Variants in ENOX2 observed in about 807,000 individuals in gnomAD.
ENOX2 encodes APK1 antigen.
In ENOX2, 36 loss-of-function variants were observed where a neutral mutation model predicts 45.0. The observed-to-expected ratio is 0.80, with a 90% CI of 0.61 to 1.06. The LOEUF is 1.06. ENOX2 is among the 50% of genes least tolerant of loss of function. The pLI is 0.00. For synonymous variants in ENOX2, 174 were observed against 152.3 expected (o/e 1.14, Z -1.05); for missense variants, 423 against 462.5 (o/e 0.91, Z 0.78).
intron 9 of ENOX2, among the ~76,000 whole-genome samples, chrX:130,664,941 T>C (rs1042980159): frequency 2.7e-5 from 3 of 112,426 alleles, no homozygotes; most frequent in Admixed American, 9.4e-5. Context: ...ATTGAAAATA[T>C]TGGGACTTGG....
At chrX:130,639,279 C>T (rs1431178745) in intron 10 of ENOX2, among the ~76,000 whole-genome samples, 2 of 111,931 alleles carry the variant, frequency 1.8e-5, no homozygotes, top group Admixed American at 1.9e-4. Context: ...AAATGTCCAA[C>T]TCCAGCCCCC....
chrX:130,901,243 T>C (rs192428340), intron 2 of ENOX2, among the ~76,000 whole-genome samples: 118 of 112,536 alleles, frequency 1.0e-3, no homozygotes, highest in African/African-American at 3.6e-3. Flanking sequence ...AGAAAGAACA[T>C]TGGGAGCAGC....
chrX:130,631,235 A>G (rs780917943), intron 13 of ENOX2, among the ~76,000 whole-genome samples: 2 of 111,626 alleles, frequency 1.8e-5, no homozygotes, highest in East Asian at 5.7e-4. Flanking sequence ...TTGTACTGAC[A>G]TGCTTGACTG....
chrX:130,691,265 G>C (rs994233465), intron 4 of ENOX2, among the ~76,000 whole-genome samples: 2 of 111,991 alleles, frequency 1.8e-5, no homozygotes, highest in African/African-American at 6.5e-5. Flanking sequence ...CGAAAGCACA[G>C]AACAGATATG....
intron 2 of ENOX2, among the ~76,000 whole-genome samples, chrX:130,884,729 A>T (rs1166121618): frequency 9.1e-6 from 1 of 110,057 alleles, no homozygotes; most frequent in African/African-American, 3.3e-5. Flanking sequence ...TCTATGAGAG[A>T]GAGAGAGAGA....
intron 3 of ENOX2, among the ~76,000 whole-genome samples, chrX:130,738,364 C>G (rs1044268796): frequency 3.6e-5 from 4 of 112,122 alleles, no homozygotes; most frequent in Non-Finnish European, 1.9e-5. Context: ...ATCACTATAG[C>G]TACTTAAAAA....
chrX:130,816,815 A>T (rs975806829), intron 2 of ENOX2, among the ~76,000 whole-genome samples: 1 of 112,069 alleles, frequency 8.9e-6, no homozygotes, highest in Non-Finnish European at 1.9e-5. Flanking sequence ...AAAGTGGGAA[A>T]GATGTAGAAT....
rs778129936 is a variant in ENOX2, at chrX:130,898,481, TGTGTGC to T, written c.-183+3197_-183+3202del. Among the ~76,000 whole-genome samples the T allele has an allele frequency of 1.6e-3, 179 of 111,129 alleles. 1 individual carries two copies. Among genetic ancestry groups the T allele is most frequent in the Non-Finnish European group, 2.9e-3 (155 of 52,967 alleles). ...TCCTATGTATGCCTACACAGATGTGTGTGTGCGTGTGCGTGTGTGTGTGCGTGTGTG... is the reference window on the plus strand; with the variant it reads ...TCCTATGTATGCCTACACAGATGTGTGTGTGCGTGTGTGTGTGCGTGTGTG... On this transcript the variant is annotated intron_variant, in intron 2 of 14. Coordinates refer to ENST00000394363, the MANE Select transcript of ENOX2 (RefSeq NM_006375.4).
intron 5 of ENOX2, among the ~76,000 whole-genome samples, chrX:130,681,813 G>C (rs2148159282): frequency 9.0e-6 from 1 of 111,682 alleles, no homozygotes; most frequent in South Asian, 3.8e-4. Flanking sequence ...TAGAACCCAG[G>C]TTTCTTAATT....
At chrX:130,821,250 A>C (rs2077591239) in intron 2 of ENOX2, among the ~76,000 whole-genome samples, 1 of 106,923 alleles carries the variant, frequency 9.4e-6, no homozygotes, top group Admixed American at 1.0e-4. Context: ...ACGTATGTTT[A>C]CTGCGGCATT....
At chrX:130,852,286 T>C (rs780205043) in intron 2 of ENOX2, among the ~76,000 whole-genome samples, 3 of 111,893 alleles carry the variant, frequency 2.7e-5, no homozygotes, top group African/African-American at 9.7e-5. Context: ...TATTTATTCA[T>C]TCAATTGGCC....
At chrX:130,759,891 G>A (rs927087266) in intron 3 of ENOX2, among the ~76,000 whole-genome samples, 12 of 111,011 alleles carry the variant, frequency 1.1e-4, no homozygotes, top group Non-Finnish European at 2.3e-4. Flanking sequence ...AAAGATTGAT[G>A]TCATGAGTAC....
At chrX:130,882,090 G>A (rs1382397956) in intron 2 of ENOX2, among the ~76,000 whole-genome samples, 1 of 111,493 alleles carries the variant, frequency 9.0e-6, no homozygotes, top group African/African-American at 3.3e-5. Context: ...TATAATTTGA[G>A]TGGAACCTTA....
intron 6 of ENOX2, among the ~76,000 whole-genome samples, chrX:130,674,330 A>G (rs1294302693): frequency 9.1e-6 from 1 of 109,839 alleles, no homozygotes; most frequent in Non-Finnish European, 1.9e-5. Context: ...AGCAATAGAA[A>G]CTATCTGTAA....
rs142402931 is a variant in ENOX2 at position 130,668,025 on chromosome X, T to C, written c.695-283A>G. ...AAGTTTTCTGTACTGATATATAGGTTTCATGTATTGCAAATTTCTTACCCT... is the reference window on the plus strand; with the variant it reads ...AAGTTTTCTGTACTGATATATAGGTCTCATGTATTGCAAATTTCTTACCCT... On this transcript the variant is annotated intron_variant, in intron 7 of 14. Transcript: ENST00000394363. Among the ~76,000 whole-genome samples, 480 of 109,784 alleles carry C rather than the reference T, an allele frequency of 4.4e-3. 7 individuals are homozygous for C. Among genetic ancestry groups the C allele is most frequent in the African/African-American group, 0.015 (447 of 30,103 alleles).
intron 2 of ENOX2, among the ~76,000 whole-genome samples, chrX:130,817,940 T>C (rs2077518705): frequency 9.0e-6 from 1 of 111,514 alleles, no homozygotes; most frequent in Non-Finnish European, 1.9e-5. Flanking sequence ...GAGAAAGAAA[T>C]AAAGGGTATT....
intron 10 of ENOX2, among the ~76,000 whole-genome samples, chrX:130,656,289 T>A (rs2036545260): frequency 8.9e-6 from 1 of 112,491 alleles, no homozygotes; most frequent in Non-Finnish European, 1.9e-5. Flanking sequence ...CAGAGTGAGG[T>A]TCTGACTATA....
chrX:130,895,921 G>A (rs1016414926), intron 2 of ENOX2, among the ~76,000 whole-genome samples: 2 of 112,343 alleles, frequency 1.8e-5, no homozygotes, highest in Non-Finnish European at 1.9e-5. Flanking sequence ...TTAGACATAT[G>A]ATCAGTAGCC....
chrX:130,751,158 C>T (rs975773165), intron 3 of ENOX2, among the ~76,000 whole-genome samples: 2 of 111,553 alleles, frequency 1.8e-5, no homozygotes, highest in Non-Finnish European at 3.8e-5. Flanking sequence ...ATATTCTCAT[C>T]ACTCCAAAAG....
Sources: allele counts gnomAD v4.1 joint callset (sites outside exome capture counted in the v4.1 genomes callset), GRCh38; gene constraint gnomAD v4.1.1; transcripts MANE v1.5; gene names NCBI Gene and HGNC (gene_info 2026-07-23, HGNC 2026-07-21).